Variants in TNFSF4 observed in about 807,000 individuals in gnomAD.
The protein encoded by TNFSF4 is TNF superfamily member 4.
A neutral mutation model predicts 7.3 loss-of-function variants in TNFSF4; 4 were observed. The observed-to-expected ratio is 0.55, with a 90% CI of 0.27 to 1.25. The LOEUF is 1.25. TNFSF4 is among the 50% of genes most tolerant of loss of function. The pLI, the probability that TNFSF4 is intolerant of heterozygous loss-of-function variation, is 0.12. For missense variants in TNFSF4, 181 were observed against 208.8 expected (o/e 0.87, Z 0.82); for synonymous variants, 76 against 83.7 (o/e 0.91, Z 0.50).
At chr1:173,228,779 G>A in the TNFSF4 span, among the ~76,000 whole-genome samples, 24 of 152,200 alleles carry the variant, frequency 1.6e-4, no homozygotes, top group African/African-American at 4.3e-4. Flanking sequence ...ACTAAGTGAC[G>A]AATGTGCAAG....
the TNFSF4 span, among the ~76,000 whole-genome samples, chr1:173,391,393 T>G: frequency 2.2e-5 from 3 of 137,762 alleles, no homozygotes; most frequent in South Asian, 7.2e-4. Context: ...ATTCATCATA[T>G]GTATGGCTTT....
the TNFSF4 span, among the ~76,000 whole-genome samples, chr1:173,391,256 C>T: frequency 2.7e-5 from 4 of 150,704 alleles, no homozygotes; most frequent in Non-Finnish European, 4.4e-5. Context: ...CTCCTTCTCC[C>T]TCTCCATGTC....
the TNFSF4 span, among the ~76,000 whole-genome samples, chr1:173,354,773 A>T: frequency 1.3e-5 from 2 of 152,212 alleles, no homozygotes; most frequent in African/African-American, 4.8e-5. Flanking sequence ...AATTTTTTTA[A>T]AAAGGTTACC....
At chr1:173,392,721 C>T in the TNFSF4 span, among the ~76,000 whole-genome samples, 1 of 152,122 alleles carries the variant, frequency 6.6e-6, no homozygotes, top group Non-Finnish European at 1.5e-5. Context: ...AAAAGACCAT[C>T]TATAATCACT....
the TNFSF4 span, among the ~76,000 whole-genome samples, chr1:173,266,699 T>C: frequency 6.6e-6 from 1 of 152,198 alleles, no homozygotes; most frequent in Non-Finnish European, 1.5e-5. Flanking sequence ...CATTTATTTT[T>C]ATATTCCTCG....
chr1:173,402,641 G>A, the TNFSF4 span, among the ~76,000 whole-genome samples: 2 of 152,134 alleles, frequency 1.3e-5, no homozygotes, highest in Non-Finnish European at 2.9e-5. Context: ...CTGCTTCAAG[G>A]TCATCACCAT....
the TNFSF4 span, among the ~76,000 whole-genome samples, chr1:173,437,723 T>A: frequency 6.6e-6 from 1 of 152,310 alleles, no homozygotes; most frequent in South Asian, 2.1e-4. Context: ...GGTTCATATG[T>A]GGTCACTCTA....
chr1:173,317,734 A>G, the TNFSF4 span, among the ~76,000 whole-genome samples: 1 of 152,258 alleles, frequency 6.6e-6, no homozygotes, highest in Non-Finnish European at 1.5e-5. Context: ...TCAAAGTTCA[A>G]TTCTGATACT....
the TNFSF4 span, among the ~76,000 whole-genome samples, chr1:173,229,151 A>G: frequency 6.6e-6 from 1 of 152,216 alleles, no homozygotes; most frequent in African/African-American, 2.4e-5. Context: ...GGTTGAAATG[A>G]AGGAAAAAAT....
chr1:173,385,565 T>C, the TNFSF4 span, among the ~76,000 whole-genome samples: 158 of 152,320 alleles, frequency 1.0e-3, no homozygotes, highest in African/African-American at 2.5e-3. Context: ...CTAGTAGAGA[T>C]TTTGTGTTAC....
chr1:173,331,235 T>C, the TNFSF4 span, among the ~76,000 whole-genome samples: 1 of 152,192 alleles, frequency 6.6e-6, no homozygotes, highest in Admixed American at 6.5e-5. Flanking sequence ...AGTCTCAGAA[T>C]GTTGTGCCTT....
the TNFSF4 span, among the ~76,000 whole-genome samples, chr1:173,433,135 A>T: frequency 6.6e-6 from 1 of 152,188 alleles, no homozygotes; most frequent in South Asian, 2.1e-4. Flanking sequence ...GTCAAGTCTC[A>T]GGAGTACTAA....
the TNFSF4 span, among the ~76,000 whole-genome samples, chr1:173,323,960 T>C: frequency 6.6e-6 from 1 of 152,148 alleles, no homozygotes; most frequent in Non-Finnish European, 1.5e-5. Context: ...CCACAAGAAC[T>C]TCCCCAATCG....
the TNFSF4 span, among the ~76,000 whole-genome samples, chr1:173,221,220 G>T: frequency 1.3e-5 from 2 of 152,166 alleles, no homozygotes; most frequent in Non-Finnish European, 2.9e-5. Context: ...AGTAGGCAGG[G>T]GCTAGACTGA....
chr1:173,295,569 T>C, the TNFSF4 span, among the ~76,000 whole-genome samples: 31 of 152,086 alleles, frequency 2.0e-4, no homozygotes, highest in Middle Eastern at 3.4e-3. Context: ...CAAAATTGTG[T>C]AAGCAGAACC....
At chr1:173,377,061 A>G in the TNFSF4 span, among the ~76,000 whole-genome samples, 1 of 151,998 alleles carries the variant, frequency 6.6e-6, no homozygotes, top group African/African-American at 2.4e-5. Context: ...GAAGGAACAA[A>G]CTCCAGACAC....
chr1:173,274,719 T>C, the TNFSF4 span, among the ~76,000 whole-genome samples: 1 of 152,130 alleles, frequency 6.6e-6, no homozygotes, highest in Non-Finnish European at 1.5e-5. Flanking sequence ...AATAGAAAAT[T>C]AATACAGTAA....
chr1:173,411,511 ATAGT>A, the TNFSF4 span, among the ~76,000 whole-genome samples: 3 of 152,198 alleles, frequency 2.0e-5, no homozygotes, highest in Admixed American at 6.5e-5. Context: ...TGATCAAGAA[ATAGT>A]TAGGCTGAGT....
downstream of TNFSF4, chr1:173,183,701 G>A (rs1649103352): frequency 6.6e-6 from 1 of 152,096 alleles, no homozygotes; most frequent in Non-Finnish European, 1.5e-5. Context: ...AGAAGACAAG[G>A]ATAAATGAAC....
Sources: gnomAD v4.1 joint callset for allele counts (sites outside exome capture counted in the v4.1 genomes callset) on GRCh38, gnomAD v4.1.1 for gene constraint, MANE v1.5 for transcripts, NCBI Gene and HGNC (gene_info 2026-07-23, HGNC 2026-07-21) for gene names.